The following VPS53 variants were observed in gnomAD, a reference collection of about 807,000 sequenced individuals.
VPS53 encodes VPS53 subunit of GARP complex.
VPS53 carries 70 observed loss-of-function variants against 107.0 expected under a neutral mutation model. That is an observed-to-expected ratio of 0.65 (90% CI 0.54 to 0.80). The LOEUF (loss-of-function observed/expected upper bound fraction) is 0.80. Among genes scored for constraint, VPS53 ranks in the 30% least tolerant of loss-of-function variants. The probability of loss-of-function intolerance (pLI) is 0.00; values close to 1 mark genes in which losing one functional copy is unlikely to be tolerated. For synonymous variants in VPS53, 409 were observed against 393.3 expected (o/e 1.04, Z -0.47); for missense variants, 917 against 1,049.4 (o/e 0.87, Z 1.74).
chr17:576,552 C>A (rs556780506), intron 13 of VPS53, among the ~76,000 whole-genome samples: 1 of 151,816 alleles, frequency 6.6e-6, no homozygotes, highest in South Asian at 2.1e-4. Context: ...TCCTCCAGCA[C>A]CTAATGCGTT....
chr17:586,163 G>T, intron 13 of VPS53, 107 bp downstream of exon 13: 1 of 969,830 alleles, frequency 1.0e-6, no homozygotes, highest in Non-Finnish European at 1.6e-6. Context: ...TCACAGGCAT[G>T]CCACAACCAT....
intron 13 of VPS53, among the ~76,000 whole-genome samples, chr17:578,677 G>C (rs989275403): frequency 1.3e-5 from 2 of 149,950 alleles, no homozygotes; most frequent in Non-Finnish European, 3.0e-5. Flanking sequence ...ACTTCCCTGA[G>C]AACCTAATTC....
intron 4 of VPS53, among the ~76,000 whole-genome samples, chr17:692,118 T>A (rs1050467546): frequency 6.6e-6 from 1 of 152,064 alleles, no homozygotes; most frequent in East Asian, 1.9e-4. Context: ...CTCCTGTGAG[T>A]CTGAGAGCTT....
intron 4 of VPS53, among the ~76,000 whole-genome samples, chr17:676,881 T>C (rs1005373464): frequency 1.3e-5 from 2 of 151,314 alleles, no homozygotes; most frequent in African/African-American, 4.9e-5. Flanking sequence ...TCTCCATGAG[T>C]AGGCACTACA....
chr17:692,666 AC>A lies in VPS53; in HGVS notation c.285+4751del, dbSNP rs79895295. On this transcript the variant is annotated intron_variant, in intron 4 of 21. Coordinates refer to ENST00000437048, the MANE Select transcript of VPS53 (RefSeq NM_001128159.3). ...TTCTGCTAAAAATGTCATTTAAGAC[AC>A]CATGAATGTGAAGTCAACACTTTCC... Among the ~76,000 whole-genome samples, 337 of 152,358 alleles carry A rather than the reference AC, an allele frequency of 2.2e-3. 9 individuals carry two copies. The East Asian group carries it at 0.055, about 25-fold the overall frequency.
At chr17:598,803 G>C (rs1462869377) in intron 12 of VPS53, among the ~76,000 whole-genome samples, 2 of 119,122 alleles carry the variant, frequency 1.7e-5, no homozygotes, top group South Asian at 3.2e-4. Context: ...CTCTCTGCCC[G>C]GCAGCCACCC....
At chr17:691,690 C>T (rs1972779771) in intron 4 of VPS53, among the ~76,000 whole-genome samples, 1 of 152,192 alleles carries the variant, frequency 6.6e-6, no homozygotes, top group Non-Finnish European at 1.5e-5. Context: ...CTGACCAGGT[C>T]ACGAATCATT....
intron 12 of VPS53, among the ~76,000 whole-genome samples, chr17:586,760 T>C (rs929245628): frequency 6.6e-6 from 1 of 152,192 alleles, no homozygotes; most frequent in African/African-American, 2.4e-5. Context: ...CCAACTAATA[T>C]GTCACCTGCT....
chr17:576,263 C>T (rs967214195), intron 13 of VPS53, among the ~76,000 whole-genome samples: 1 of 152,036 alleles, frequency 6.6e-6, no homozygotes, highest in African/African-American at 2.4e-5. Context: ...GCCTCATAAC[C>T]TAATGCGTTC....
intron 11 of VPS53, among the ~76,000 whole-genome samples, chr17:620,361 A>C (rs1409393516): frequency 6.6e-6 from 1 of 152,132 alleles, no homozygotes; most frequent in Admixed American, 6.5e-5. Context: ...ACAAAGAGGG[A>C]ATTGCACTGA....
chr17:670,812 G>GA (rs1366817666), intron 4 of VPS53, among the ~76,000 whole-genome samples: 1 of 152,150 alleles, frequency 6.6e-6, no homozygotes, highest in Non-Finnish European at 1.5e-5. Context: ...ACTATTCTGT[G>GA]AAAAAATAAG....
In VPS53 at chr17:636,647, A is replaced by C. The variant is rs1274482139; in HGVS notation, c.609-5019T>G. ...ATGAAGGGCTGTTGAATTTTGTCAA[A>C]GGCCTTTTCTGCATCTATTGAGATA... On this transcript the variant is annotated intron_variant, in intron 7 of 21. Coordinates refer to ENST00000437048, the MANE Select transcript of VPS53 (RefSeq NM_001128159.3). 2.0e-5 allele frequency among the ~76,000 whole-genome samples: 3 copies of C among 152,222 alleles called. 1 individual carries two copies. Among genetic ancestry groups the C allele is most frequent in the Non-Finnish European group, 1.5e-5 (1 of 68,054 alleles).
At position 520,561 on chromosome 17, in the gene VPS53, C is replaced by T. The variant is rs1908656550; in HGVS notation, c.2224-631G>A. Among the ~76,000 whole-genome samples the T allele has an allele frequency of 6.6e-6, 1 of 152,246 alleles. No homozygotes were observed. Among genetic ancestry groups the T allele is most frequent in the Non-Finnish European group, 1.5e-5 (1 of 68,046 alleles). ...ATACAAACAAAGGAAAGGAACGGCA[C>T]TGCAACCCTTATTCATTTCCGTTTT... On this transcript the variant is annotated intron_variant, in intron 20 of 21. Transcript: ENST00000437048. The surrounding 1 kb of genome is among the most constrained non-coding windows in gnomAD (Gnocchi z 4.4).
chr17:513,387 G>A lies in VPS53; in HGVS notation c.*5741C>T, dbSNP rs1908070920. 2 of 151,064 alleles carry A rather than the reference G, an allele frequency of 1.3e-5. No homozygotes were observed. The highest frequency in any genetic ancestry group is 3.0e-5 in the Non-Finnish European group (2 of 67,608). The allele number at this position is 151,064 out of a possible 1,614,324, so 9.4% of individuals were successfully genotyped here. ...GGTGTAGAACTTCGAGGGTCCAAGAGGCTATTCTGATGAATACTAAAACAG... is the reference window on the plus strand; with the variant it reads ...GGTGTAGAACTTCGAGGGTCCAAGAAGCTATTCTGATGAATACTAAAACAG... On this transcript the variant is annotated 3_prime_UTR_variant, in exon 22 of 22. Coordinates refer to ENST00000437048, the MANE Select transcript of VPS53 (RefSeq NM_001128159.3).
chr17:581,919 C>T (rs1967043585), intron 13 of VPS53, among the ~76,000 whole-genome samples: 1 of 151,242 alleles, frequency 6.6e-6, no homozygotes, highest in Non-Finnish European at 1.5e-5. Flanking sequence ...CCCAGATAAC[C>T]TCCCTGAGGA....
chr17:542,425 G>C (rs1910770383), intron 17 of VPS53, among the ~76,000 whole-genome samples: 1 of 152,134 alleles, frequency 6.6e-6, no homozygotes, highest in Non-Finnish European at 1.5e-5. Context: ...ATTTCTCTGA[G>C]CCTCAGTATT....
rs1420419525 is a variant in VPS53, at chr17:667,442, T to TG, written c.286-5548dup. On this transcript the variant is annotated intron_variant, in intron 4 of 21. Transcript: ENST00000437048. Reference sequence around the variant, plus strand: ...TGATTTAGCAGGAGAGAAATTTATTTGGGGGGGCAATGGGTTAATTACAGA... The same window carrying TG: ...TGATTTAGCAGGAGAGAAATTTATTTGGGGGGGGCAATGGGTTAATTACAGA... Among the ~76,000 whole-genome samples the TG allele has an allele frequency of 1.0e-4, 15 of 146,320 alleles. 1 individual carries two copies. The highest frequency in any genetic ancestry group is 3.8e-4 in the African/African-American group (15 of 39,506).
intron 12 of VPS53, among the ~76,000 whole-genome samples, chr17:596,798 G>A (rs2143005483): frequency 6.6e-6 from 1 of 152,334 alleles, no homozygotes; most frequent in Non-Finnish European, 1.5e-5. Flanking sequence ...ACTACACTAA[G>A]TCATTTAGCA....
chr17:509,529 G>C lies in VPS53; in HGVS notation c.*9599C>G, dbSNP rs1277439053. Reference sequence around the variant, plus strand: ...CTTACTAGTCACATATCAAATCCTGGCTCGCCCCTCAGTAGCCACATATCA... The same window carrying C: ...CTTACTAGTCACATATCAAATCCTGCCTCGCCCCTCAGTAGCCACATATCA... On this transcript the variant is annotated 3_prime_UTR_variant, in exon 22 of 22. Coordinates refer to ENST00000437048, the MANE Select transcript of VPS53 (RefSeq NM_001128159.3). The C allele has an allele frequency of 6.5e-6, 1 of 155,036 alleles. No homozygotes were observed. The highest frequency in any genetic ancestry group is 2.6e-5 in the African/African-American group (1 of 39,184). 9.6% of individuals were successfully genotyped at this position (155,036 alleles called of 1,614,324 possible).
Sources: allele counts gnomAD v4.1 joint callset (sites outside exome capture counted in the v4.1 genomes callset), GRCh38; gene constraint gnomAD v4.1.1; non-coding constraint Gnocchi (gnomAD v3.1); transcripts MANE v1.5; gene names NCBI Gene and HGNC (gene_info 2026-07-23, HGNC 2026-07-21).